UNC45B: variants seen among roughly 807,000 people sequenced by gnomAD.
UNC45B encodes unc-45 myosin chaperone B.
A neutral mutation model predicts 98.7 loss-of-function variants in UNC45B; 78 were observed. The ratio of observed to expected loss-of-function variants is 0.79; its 90% CI spans 0.66 to 0.95. The LOEUF (loss-of-function observed/expected upper bound fraction) is 0.95, where lower values mean the gene tolerates loss of function less well. UNC45B is among the 40% of genes least tolerant of loss of function. The pLI, the probability that UNC45B is intolerant of heterozygous loss-of-function variation, is 0.00. For synonymous variants in UNC45B, 462 were observed against 480.4 expected (o/e 0.96, Z 0.50); for missense variants, 1,225 against 1,184.9 (o/e 1.03, Z -0.50).
At chr17:35,164,926 T>A (rs1038713059) in intron 9 of UNC45B, among the ~76,000 whole-genome samples, 12 of 151,670 alleles carry the variant, frequency 7.9e-5, no homozygotes, top group Non-Finnish European at 1.6e-4. Context: ...TGGAGTGCAG[T>A]GGCATGATCA....
At chr17:35,149,785 C>T (rs1464433717) in intron 3 of UNC45B, among the ~76,000 whole-genome samples, 1 of 152,188 alleles carries the variant, frequency 6.6e-6, no homozygotes, top group Non-Finnish European at 1.5e-5. Flanking sequence ...GGTTAAGCCC[C>T]TGGCAGGGAT....
chr17:35,186,786 T>A lies in UNC45B; in HGVS notation c.*227T>A. 1 of 435,350 alleles carries A rather than the reference T, an allele frequency of 2.3e-6. No homozygotes were observed. The highest frequency in any genetic ancestry group is 4.0e-6 in the Non-Finnish European group (1 of 248,514). The allele number at this position is 435,350 out of a possible 1,614,324, so 27.0% of individuals were successfully genotyped here. On this transcript the variant is annotated 3_prime_UTR_variant, in exon 20 of 20. Transcript: ENST00000394570. ...GCTTCCTGTCTCCTTATATTTGTCA[T>A]GTTTCAGAAATTCCCAGAATAATTT...
At chr17:35,175,890 C>A in intron 14 of UNC45B, 78 bp from the exon 15 acceptor site, 1 of 1,408,452 alleles carries the variant, frequency 7.1e-7, no homozygotes, top group Admixed American at 1.7e-5. Context: ...CTGGCTCCGA[C>A]TGGCTGGCCT....
chr17:35,148,169 T>G, intron 1 of UNC45B, 95 bp from the exon 2 acceptor site: 1 of 1,404,224 alleles, frequency 7.1e-7, no homozygotes, highest in Non-Finnish European at 9.8e-7. Flanking sequence ...CTCTCTGGTG[T>G]GAGGGGACCC....
chr17:35,175,798 C>T (rs1383088178), intron 14 of UNC45B, among the ~76,000 whole-genome samples, 170 bp from the exon 15 acceptor site: 1 of 152,190 alleles, frequency 6.6e-6, no homozygotes, highest in Non-Finnish European at 1.5e-5. Context: ...CCCATGATGT[C>T]ATCTTCCCAA....
In UNC45B at chr17:35,186,954, T is replaced by C. The variant is rs2092307791; in HGVS notation, c.*395T>C. The C allele has an allele frequency of 9.7e-6, 2 of 206,746 alleles. No individual in the cohort carries two copies. Among genetic ancestry groups the C allele is most frequent in the African/African-American group, 4.6e-5 (2 of 43,022 alleles). 12.8% of individuals were successfully genotyped at this position (206,746 alleles called of 1,614,324 possible). A position where few individuals can be genotyped will look rare whatever the true frequency, so the allele number is the denominator to read the frequency against. On this transcript the variant is annotated 3_prime_UTR_variant, in exon 20 of 20. Coordinates refer to ENST00000394570, the MANE Select transcript of UNC45B (RefSeq NM_001267052.2). The stretch of plus-strand genomic sequence containing the variant: ...ACGGGTGTGTGCATATAAAGGTTAA[T>C]GCTGTTGTATTTGGATGCTGATCTG...
At chr17:35,156,429 C>T (rs1439248697) in intron 7 of UNC45B, among the ~76,000 whole-genome samples, 1 of 152,098 alleles carries the variant, frequency 6.6e-6, no homozygotes, top group African/African-American at 2.4e-5. Flanking sequence ...AGTTCAAGAC[C>T]AGCCTGACCA....
intron 7 of UNC45B, among the ~76,000 whole-genome samples, chr17:35,158,735 TTTCCTTCTTTA>T (rs2092081033): frequency 6.6e-6 from 1 of 152,240 alleles, no homozygotes; most frequent in Admixed American, 6.5e-5. Flanking sequence ...TGCTTACATC[TTTCCTTCTTTA>T]GGCGATGGAG....
At chr17:35,167,796 T>C (rs953384034) in intron 9 of UNC45B, among the ~76,000 whole-genome samples, 1 of 151,948 alleles carries the variant, frequency 6.6e-6, no homozygotes, top group Admixed American at 6.6e-5. Flanking sequence ...TGCATGTCAA[T>C]CCCTGAGTCA....
At chr17:35,167,259 A>T (rs143146390) in intron 9 of UNC45B, among the ~76,000 whole-genome samples, 3 of 152,132 alleles carry the variant, frequency 2.0e-5, no homozygotes, top group Admixed American at 2.0e-4. Context: ...CTCAGCTGTT[A>T]TCTCTCTTTG....
chr17:35,158,069 T>G (rs1180668881), intron 7 of UNC45B, among the ~76,000 whole-genome samples: 3 of 152,106 alleles, frequency 2.0e-5, no homozygotes, highest in Non-Finnish European at 4.4e-5. Context: ...AGGGACAGGG[T>G]CTCACTTTCT....
intron 18 of UNC45B, among the ~76,000 whole-genome samples, chr17:35,182,785 GA>G (rs1011539815): frequency 6.6e-6 from 1 of 152,040 alleles, no homozygotes; most frequent in African/African-American, 2.4e-5. Flanking sequence ...CCACTTCTAG[GA>G]AACCTGGCCC....
At chr17:35,166,086 T>TAAAAAAAAAAAAAAAAAA (rs55844448) in intron 9 of UNC45B, among the ~76,000 whole-genome samples, 30 of 58,110 alleles carry the variant, frequency 5.2e-4, no homozygotes, top group African/African-American at 1.9e-3. Context: ...CCCTCATCTC[T>TAAAAAAAAAAAAAAAAAA]AAAAAAAAAA....
chr17:35,148,091 T>A (rs942801806), intron 1 of UNC45B, among the ~76,000 whole-genome samples, 173 bp from the exon 2 acceptor site: 2 of 152,076 alleles, frequency 1.3e-5, no homozygotes, highest in Non-Finnish European at 2.9e-5. Flanking sequence ...AATGCTATAA[T>A]GTCCTCATGG....
At chr17:35,177,177 T>C in intron 16 of UNC45B, 47 bp downstream of exon 16, 1 of 1,547,160 alleles carries the variant, frequency 6.5e-7, no homozygotes, top group Non-Finnish European at 8.9e-7. Flanking sequence ...GGGTCTCCTT[T>C]GCTCCTAGAG....
At chr17:35,185,732 A>G (rs1198009530) in intron 19 of UNC45B, among the ~76,000 whole-genome samples, 1 of 152,018 alleles carries the variant, frequency 6.6e-6, no homozygotes, top group Non-Finnish European at 1.5e-5. Flanking sequence ...CCACAATGTT[A>G]GAGGAAGGTA....
Position 35,152,892 on chromosome 17 carries a change from G to C in UNC45B, c.382-1G>C. Reference sequence around the variant, plus strand: ...TTCCCCACTCCCTCCTCTCTCCTCAGCTCCGAGTGCAGTTCTCCACAGACT... The same window carrying C: ...TTCCCCACTCCCTCCTCTCTCCTCACCTCCGAGTGCAGTTCTCCACAGACT... On this transcript the variant is annotated splice_acceptor_variant, in intron 4 of 19. Transcript: ENST00000394570. LOFTEE classifies it high-confidence loss of function. 1 of 1,613,904 alleles carries C rather than the reference G, an allele frequency of 6.2e-7. No homozygotes were observed. Among genetic ancestry groups the C allele is most frequent in the Non-Finnish European group, 8.5e-7 (1 of 1,179,848 alleles).
intron 8 of UNC45B, among the ~76,000 whole-genome samples, chr17:35,161,129 TTC>T (rs1343275340): frequency 6.6e-6 from 1 of 152,184 alleles, no homozygotes; most frequent in Non-Finnish European, 1.5e-5. Context: ...ACAACAGATC[TTC>T]TCTCTCAGCA....
intron 2 of UNC45B, among the ~76,000 whole-genome samples, chr17:35,148,682 T>C (rs1311830493): frequency 6.6e-6 from 1 of 152,142 alleles, no homozygotes; most frequent in African/African-American, 2.4e-5. Context: ...GCCCGTGAGA[T>C]AGCTGTTGTT....
Sources: allele counts gnomAD v4.1 joint callset (sites outside exome capture counted in the v4.1 genomes callset), GRCh38; gene constraint gnomAD v4.1.1; transcripts MANE v1.5; gene names NCBI Gene and HGNC (gene_info 2026-07-23, HGNC 2026-07-21).